The following THADA variants were observed in gnomAD, a reference collection of about 807,000 sequenced individuals.
The protein encoded by THADA is tRNA (32-2'-O)-methyltransferase regulator THADA.
Under a neutral mutation model 219.8 loss-of-function variants are expected in THADA, and 213 were observed. The ratio of observed to expected loss-of-function variants is 0.97; its 90% CI spans 0.87 to 1.09. The LOEUF (loss-of-function observed/expected upper bound fraction) is 1.09, where lower values mean the gene tolerates loss of function less well. THADA is among the 50% of genes least tolerant of loss of function. The pLI, the probability that THADA is intolerant of heterozygous loss-of-function variation, is 0.00. For synonymous variants in THADA, 1,018 were observed against 828.9 expected (o/e 1.23, Z -3.92); for missense variants, 2,956 against 2,311.3 (o/e 1.28, Z -5.72).
In THADA at chr2:43,574,595, C is replaced by A. The variant is rs754316919; in HGVS notation, c.1470G>T (p.Leu490Phe). 1 of 1,613,966 alleles carries A rather than the reference C, an allele frequency of 6.2e-7. No individual in the cohort carries two copies. Among genetic ancestry groups the A allele is most frequent in the Admixed American group, 1.7e-5 (1 of 60,014 alleles). ...CCAAGAGGTCACTTGCATAAGGTAC[C>A]AATGACTGGTCTCCCATCACCTCTA... Reference protein sequence around the residue: ...QILEVMGDQSLVPYASDLLET... With the variant: ...QILEVMGDQSFVPYASDLLET... The change falls in exon 11 of 38, where the codon TTG becomes TTT. Residue 490 changes from leucine to phenylalanine, a missense_variant. Physicochemically the swap from Leu to Phe is conservative, Grantham distance 22. Transcript: ENST00000405975.
Position 43,438,158 on chromosome 2 carries a change from C to T in THADA, c.3837-7856G>A, listed in dbSNP as rs528829632. ...CTACTAAAAATTAAAAAAAATTAGC[C>T]GGGCAAGGTGGCGGGCGCCTGTAGT... On this transcript the variant is annotated intron_variant, in intron 26 of 37. Transcript: ENST00000405975. Among the ~76,000 whole-genome samples the T allele has an allele frequency of 2.0e-5, 3 of 151,836 alleles. No homozygotes were observed. The South Asian group carries it at 6.2e-4, about 32-fold the overall frequency.
At chr2:43,400,147 C>T (rs1674619718) in intron 28 of THADA, among the ~76,000 whole-genome samples, 1 of 152,120 alleles carries the variant, frequency 6.6e-6, no homozygotes, top group African/African-American at 2.4e-5. Context: ...AAGAATGCCC[C>T]TCCTTTTGCT....
intron 28 of THADA, among the ~76,000 whole-genome samples, chr2:43,422,060 T>C (rs1292453021): frequency 6.6e-6 from 1 of 152,244 alleles, no homozygotes; most frequent in Admixed American, 6.5e-5. Flanking sequence ...TGATATCCAG[T>C]CCAACCTCAG....
At chr2:43,390,009 T>C (rs1673162223) in intron 29 of THADA, among the ~76,000 whole-genome samples, 1 of 152,222 alleles carries the variant, frequency 6.6e-6, no homozygotes, top group Non-Finnish European at 1.5e-5. Context: ...ACATAGTATG[T>C]ACTTAACTTC....
chr2:43,261,922 C>A (rs1180654925), intron 36 of THADA, among the ~76,000 whole-genome samples: 1 of 151,866 alleles, frequency 6.6e-6, no homozygotes, highest in Admixed American at 6.6e-5. Flanking sequence ...CAGGCATGAG[C>A]CACCGCGCCT....
rs1320303174 is a variant in THADA, at chr2:43,428,101, T to C, written c.4057A>G (p.Arg1353Gly). The C allele has an allele frequency of 6.2e-7, 1 of 1,606,004 alleles. No individual in the cohort carries two copies. Among genetic ancestry groups the C allele is most frequent in the Non-Finnish European group, 8.5e-7 (1 of 1,175,288 alleles). The change falls in exon 28 of 38, where the codon AGG (arginine) becomes GGG (glycine). Residue 1353 changes from arginine to glycine, a missense_variant and splice_region_variant. By Grantham distance (125) the Arg-to-Gly change is moderately radical (BLOSUM62 -2). Coordinates refer to ENST00000405975, the MANE Select transcript of THADA (RefSeq NM_022065.5). Reference protein sequence around the residue: ...SMGPFVPFIMRCGHSPVYHSR... With the variant: ...SMGPFVPFIMGCGHSPVYHSR... ...AATTTCTACACAGCATGACACTACC[T>C]CATAATGAAGGGAACAAAAGGTCCC...
intron 31 of THADA, among the ~76,000 whole-genome samples, chr2:43,314,916 A>G (rs1350097024): frequency 6.6e-6 from 1 of 152,248 alleles, no homozygotes; most frequent in Non-Finnish European, 1.5e-5. Flanking sequence ...ATGATTGGGA[A>G]GCACTATGAT....
At chr2:43,423,716 TG>T (rs1170089778) in intron 28 of THADA, among the ~76,000 whole-genome samples, 1 of 152,148 alleles carries the variant, frequency 6.6e-6, no homozygotes, top group Non-Finnish European at 1.5e-5. Flanking sequence ...TAAGCTCTCC[TG>T]GGCCTTTGTT....
At chr2:43,320,590 T>A (rs1678592206) in intron 30 of THADA, 50 bp from the exon 31 acceptor site, 2 of 1,437,132 alleles carry the variant, frequency 1.4e-6, no homozygotes, top group Non-Finnish European at 1.9e-6. Context: ...CTCCCTTAGG[T>A]CTGGGTCTCA....
At chr2:43,515,249 T>TATATATAATATATAATATATA (rs1402586041) in intron 22 of THADA, among the ~76,000 whole-genome samples, 5 of 13,566 alleles carry the variant, frequency 3.7e-4, no homozygotes, top group Non-Finnish European at 8.0e-4. Context: ...TATAATATAT[T>TATATATAATATATAATATATA]ATATATAATA....
intron 29 of THADA, among the ~76,000 whole-genome samples, chr2:43,388,406 A>G (rs190829510): frequency 6.6e-5 from 10 of 152,160 alleles, no homozygotes. Flanking sequence ...GATGGAAAGC[A>G]TATCTTCCAA....
intron 29 of THADA, among the ~76,000 whole-genome samples, chr2:43,380,627 C>G (rs985438716): frequency 7.2e-5 from 11 of 152,108 alleles, no homozygotes; most frequent in African/African-American, 2.7e-4. Context: ...CTAGCTCTGT[C>G]CATTGAGAGG....
At chr2:43,485,956 T>C (rs931666687) in intron 25 of THADA, among the ~76,000 whole-genome samples, 5 of 152,084 alleles carry the variant, frequency 3.3e-5, no homozygotes, top group African/African-American at 1.2e-4. Context: ...CCATGGCACA[T>C]GCCTATAGTC....
intron 26 of THADA, among the ~76,000 whole-genome samples, chr2:43,475,876 A>C (rs759781933): frequency 6.6e-6 from 1 of 152,270 alleles, no homozygotes; most frequent in Non-Finnish European, 1.5e-5. Flanking sequence ...AAAATACTAC[A>C]TACATAGTCT....
At chr2:43,556,002 A>G (rs6725776) in intron 17 of THADA, 73,399 of 246,226 alleles carry the variant, frequency 0.3, 12,946 homozygotes, top group African/African-American at 0.49. Flanking sequence ...AAGGAACTCC[A>G]CCTATATAGA....
chr2:43,394,409 T>C (rs953349024), intron 29 of THADA, among the ~76,000 whole-genome samples: 1 of 152,224 alleles, frequency 6.6e-6, no homozygotes, highest in East Asian at 1.9e-4. Flanking sequence ...TTCAAAGCAG[T>C]CAAAATGTAT....
At chr2:43,459,983 C>T (rs1226057522) in intron 26 of THADA, among the ~76,000 whole-genome samples, 1 of 152,008 alleles carries the variant, frequency 6.6e-6, no homozygotes, top group Non-Finnish European at 1.5e-5. Flanking sequence ...AAACTCAAAA[C>T]ACATAAAATT....
At chr2:43,425,901 G>A (rs565374418) in intron 28 of THADA, among the ~76,000 whole-genome samples, 1 of 152,328 alleles carries the variant, frequency 6.6e-6, no homozygotes, top group South Asian at 2.1e-4. Flanking sequence ...AAGAGTGATA[G>A]ATGTGCTCTT....
intron 1 of THADA, chr2:43,592,709 T>C (rs1025008891): frequency 4.8e-6 from 1 of 208,446 alleles, no homozygotes; most frequent in African/African-American, 2.3e-5. Context: ...AGCTGAAGCT[T>C]ATTACTGACT....
Sources: allele counts gnomAD v4.1 joint callset (sites outside exome capture counted in the v4.1 genomes callset), GRCh38; gene constraint gnomAD v4.1.1; transcripts MANE v1.5; gene names NCBI Gene and HGNC (gene_info 2026-07-23, HGNC 2026-07-21).